The following CLSTN3 variants were observed in gnomAD, a reference collection of about 807,000 sequenced individuals.
The protein encoded by CLSTN3 is calsyntenin-3.
In CLSTN3, 36 loss-of-function variants were observed where a neutral mutation model predicts 95.9. The observed-to-expected ratio is 0.38, with a 90% confidence interval of 0.29 to 0.50. The LOEUF (loss-of-function observed/expected upper bound fraction) is 0.50. CLSTN3 is among the 20% of genes least tolerant of loss of function. The pLI, the probability that CLSTN3 is intolerant of heterozygous loss-of-function variation, is 0.95. For missense variants in CLSTN3, 1,084 were observed against 1,268.8 expected, an observed-to-expected ratio of 0.85 and a Z score of 2.21; for synonymous variants, 481 against 504.0, an observed-to-expected ratio of 0.95 and a Z score of 0.61.
rs772825293 is a variant in CLSTN3, at chr12:7,136,994, G to A, written c.1094G>A (p.Gly365Glu). 6.2e-7 allele frequency: 1 copy of A among 1,614,194 alleles called. No homozygotes were observed. The highest frequency in any genetic ancestry group is 1.1e-5 in the South Asian group (1 of 91,084). ...GGTGGCCCCAGTGGGCTGGGCTCTG[G>A]GCCCCAGGACAGCCTCAGTGACCAC... ...PLGGPSGLGS[G>E]PQDSLSDHFT... is the part of the protein sequence containing the mutation. The change falls in exon 7 of 18, where the codon GGG becomes GAG. Residue 365 changes from glycine (G) to glutamate (E), a missense_variant. Transcript: ENST00000266546.
At chr12:7,154,147 C>A (rs12319751) in intron 16 of CLSTN3, among the ~76,000 whole-genome samples, 1 of 152,250 alleles carries the variant, frequency 6.6e-6, no homozygotes, top group African/African-American at 2.4e-5. Flanking sequence ...AGGCCATTCA[C>A]GGCATAAAAC....
At position 7,136,984 on chromosome 12, in the gene CLSTN3, C is replaced by T; in HGVS notation, c.1084C>T (p.Leu362=). 6.2e-7 allele frequency: 1 copy of T among 1,614,198 alleles called. No individual in the cohort carries two copies. The highest frequency in any genetic ancestry group is 8.5e-7 in the Non-Finnish European group (1 of 1,180,024). Reference sequence around the variant, plus strand: ...GGTGCCCCTGGGTGGCCCCAGTGGGCTGGGCTCTGGGCCCCAGGACAGCCT... The same window carrying T: ...GGTGCCCCTGGGTGGCCCCAGTGGGTTGGGCTCTGGGCCCCAGGACAGCCT... ...VQVPLGGPSG[L]GSGPQDSLSD... is the part of the protein sequence containing the mutation. Residue 362 remains leucine, a synonymous_variant, in exon 7 of 18, where the codon CTG becomes TTG. Coordinates refer to ENST00000266546, the MANE Select transcript of CLSTN3 (RefSeq NM_014718.4).
intron 1 of CLSTN3, chr12:7,131,782 G>A (rs1247515095): frequency 4.4e-6 from 2 of 456,460 alleles, no homozygotes; most frequent in South Asian, 1.5e-5. Context: ...ACCGCCTCCT[G>A]TGCACCATCT....
chr12:7,129,150 T>G (rs548803678), upstream of CLSTN3: 1 of 302,362 alleles, frequency 3.3e-6, no homozygotes, highest in Non-Finnish European at 6.6e-6. This position sits in a 1 kb window ranked among gnomAD's most constrained non-coding sequence, Gnocchi z 5.5. Flanking sequence ...CAAAGGTCAG[T>G]GTTGGCCTCC....
intron 1 of CLSTN3, among the ~76,000 whole-genome samples, chr12:7,132,038 G>C (rs985430606): frequency 6.6e-6 from 1 of 152,036 alleles, no homozygotes; most frequent in African/African-American, 2.4e-5. Context: ...AGGCTGGGGT[G>C]GGGGGTGATG....
chr12:7,157,464 G>T lies in CLSTN3; in HGVS notation c.2528-25G>T. The T allele has an allele frequency of 6.5e-7, 1 of 1,536,882 alleles. No individual in the cohort carries two copies. The highest frequency in any genetic ancestry group is 1.4e-5 in the African/African-American group (1 of 72,630). On this transcript the variant is annotated intron_variant, in intron 16 of 17. Transcript: ENST00000266546. The surrounding 1 kb of genome is among the most constrained non-coding windows in gnomAD (Gnocchi z 5.9). ...CCCCAGGTGTGCCTAGTCACGCTCTGCTCACCCCCGCGCTCTCTCTGCAGT... is the reference window on the plus strand; with the variant it reads ...CCCCAGGTGTGCCTAGTCACGCTCTTCTCACCCCCGCGCTCTCTCTGCAGT...
At position 7,138,042 on chromosome 12, in the gene CLSTN3, T is replaced by C. The variant is rs1254865567; in HGVS notation, c.1298T>C (p.Val433Ala). The change falls in exon 8 of 18, where the codon GTC becomes GCC. Residue 433 changes from valine (V) to alanine (A), a missense_variant. Val to Ala is a moderately conservative substitution (Grantham distance 64). Transcript: ENST00000266546. Reference sequence around the variant, plus strand: ...CCCCTGCTTGAGAGTGCCCGCCCAGTCAAGTTCCTCTGGAAGCTGGAGCAG... The same window carrying C: ...CCCCTGCTTGAGAGTGCCCGCCCAGCCAAGTTCCTCTGGAAGCTGGAGCAG... ...YWPLLESARPVKFLWKLEQVC... is the reference protein window; with the variant it reads ...YWPLLESARPAKFLWKLEQVC... The C allele has an allele frequency of 1.2e-6, 2 of 1,613,702 alleles. No individual in the cohort carries two copies. Among genetic ancestry groups the C allele is most frequent in the Non-Finnish European group, 1.7e-6 (2 of 1,179,850 alleles).
intron 12 of CLSTN3, among the ~76,000 whole-genome samples, chr12:7,145,426 C>A (rs868773521): frequency 5.3e-5 from 8 of 152,046 alleles, no homozygotes; most frequent in Non-Finnish European, 7.4e-5. Flanking sequence ...CAATACCTCC[C>A]TTTCCCTGAT....
rs1939720153 is a variant in CLSTN3, at chr12:7,151,290, G to A, written c.2527+227G>A. ...ATGAGCCTTGTGTCATTGTAGGGAT[G>A]CTTATGCCTGCAGTCATAAAGTCAG... is the stretch of plus-strand genomic sequence containing the variant. On this transcript the variant is annotated intron_variant, in intron 16 of 17. Transcript: ENST00000266546. 5 of 474,568 alleles carry A rather than the reference G, an allele frequency of 1.1e-5. No homozygotes were observed. In the South Asian group the frequency reaches 2.2e-4, roughly 21 times the overall value. The allele number at this position is 474,568 out of a possible 1,614,324, so 29.4% of individuals were successfully genotyped here. A position where few individuals can be genotyped will look rare whatever the true frequency, so the allele number is the denominator to read the frequency against.
rs1369231793 is a variant in CLSTN3, at chr12:7,153,699, C to G, written c.2527+2636C>G. Among the ~76,000 whole-genome samples, 5 of 152,282 alleles carry G rather than the reference C, an allele frequency of 3.3e-5. No individual in the cohort carries two copies. In the East Asian group the frequency reaches 9.7e-4, roughly 29 times the overall value. On this transcript the variant is annotated intron_variant, in intron 16 of 17. Coordinates refer to ENST00000266546, the MANE Select transcript of CLSTN3 (RefSeq NM_014718.4). ...TTCTTTCATTGGGGATCATTCCACT[C>G]AATCTTTTCTGGTTGGATACTAGGT...
At position 7,157,965 on chromosome 12, in the gene CLSTN3, G is replaced by A. The variant is rs1169121341; in HGVS notation, c.2755G>A (p.Val919Met). ...GTCCTACCAGAATCGGCAGTCCTGT[G>A]TGACGGGGGCTGTTGGGGGCCAGCA... ...MESYQNRQSC[V>M]TGAVGGQQED... is the part of the protein sequence containing the mutation. Residue 919 changes from valine to methionine, a missense_variant, in exon 18 of 18, where the codon GTG becomes ATG. By Grantham distance (21) the Val-to-Met change is conservative. Coordinates refer to ENST00000266546, the MANE Select transcript of CLSTN3 (RefSeq NM_014718.4). The surrounding 1 kb of genome is among the most constrained non-coding windows in gnomAD (Gnocchi z 5.9). 2 of 1,551,322 alleles carry A rather than the reference G, an allele frequency of 1.3e-6. No individual in the cohort carries two copies. Among genetic ancestry groups the A allele is most frequent in the East Asian group, 4.9e-5 (2 of 40,920 alleles).
Position 7,149,171 on chromosome 12 carries a change from A to C in CLSTN3, c.2047A>C (p.Lys683Gln), listed in dbSNP as rs779121978. ...CTCCATTTCTCACCAGGTGGAGGCC[A>C]AAAAGGATGAGAGTTGGCAGGGCAC... ...TCSISHQVEA[K>Q]KDESWQGTVT... Residue 683 changes from lysine (K) to glutamine (Q), a missense_variant, in exon 13 of 18, where the codon AAA (lysine) becomes CAA (glutamine). Coordinates refer to ENST00000266546, the MANE Select transcript of CLSTN3 (RefSeq NM_014718.4). This position sits in a 1 kb window ranked among gnomAD's most constrained non-coding sequence, Gnocchi z 4.5. 3 of 1,613,974 alleles carry C rather than the reference A, an allele frequency of 1.9e-6. No homozygotes were observed. The highest frequency in any genetic ancestry group is 3.3e-5 in the Admixed American group (2 of 60,018).
In CLSTN3 at chr12:7,150,781, AC is replaced by A. The variant is rs1167844262; in HGVS notation, c.2391+93del. On this transcript the variant is annotated intron_variant, in intron 15 of 17. Coordinates refer to ENST00000266546, the MANE Select transcript of CLSTN3 (RefSeq NM_014718.4). The surrounding 1 kb of genome is among the most constrained non-coding windows in gnomAD (Gnocchi z 4.0). ...TCAAAATGTTAGTTGGTGGGCATGGACATGGCAGCGTGGAGGGCTGCTGGAC... is the reference window on the plus strand; with the variant it reads ...TCAAAATGTTAGTTGGTGGGCATGGAATGGCAGCGTGGAGGGCTGCTGGAC... 8.9e-6 allele frequency: 14 copies of A among 1,570,970 alleles called. No homozygotes were observed. Among genetic ancestry groups the A allele is most frequent in the Non-Finnish European group, 1.1e-5 (13 of 1,151,046 alleles).
At chr12:7,146,956 G>A (rs914735994) in intron 12 of CLSTN3, among the ~76,000 whole-genome samples, 4 of 152,134 alleles carry the variant, frequency 2.6e-5, no homozygotes, top group Admixed American at 6.5e-5. Context: ...AGCACATCCC[G>A]GGCATTGGCA....
intron 1 of CLSTN3, 66 bp downstream of exon 1, chr12:7,130,778 G>T: frequency 7.0e-7 from 1 of 1,420,034 alleles, no homozygotes; most frequent in South Asian, 1.2e-5. Context: ...GGGTGGGGGT[G>T]GGAAGGAGGT....
chr12:7,138,130 C>T, intron 8 of CLSTN3, 63 bp downstream of exon 8: 3 of 1,269,450 alleles, frequency 2.4e-6, no homozygotes, highest in Non-Finnish European at 2.3e-6. Context: ...AGGAAAGGAC[C>T]TTCTCTGGGC....
In CLSTN3 at chr12:7,135,973, C is replaced by T. The variant is rs760816511; in HGVS notation, c.742+20C>T. On this transcript the variant is annotated intron_variant, in intron 5 of 17. Coordinates refer to ENST00000266546, the MANE Select transcript of CLSTN3 (RefSeq NM_014718.4). The stretch of plus-strand genomic sequence containing the variant: ...GGCAAGGTGAGAGCTCAGCGCTGTG[C>T]CCCATCTTGTGAATCATCTTTTTTC... 6.3e-7 allele frequency: 1 copy of T among 1,577,206 alleles called. No homozygotes were observed. The highest frequency in any genetic ancestry group is 8.6e-7 in the Non-Finnish European group (1 of 1,163,824).
chr12:7,133,050 G>A lies in CLSTN3; in HGVS notation c.91G>A (p.Ala31Thr), dbSNP rs765172955. The A allele has an allele frequency of 2.5e-6, 4 of 1,613,886 alleles. No individual in the cohort carries two copies. The South Asian group carries it at 3.3e-5, about 13-fold the overall frequency. Residue 31 changes from alanine (A) to threonine (T), a missense_variant, in exon 2 of 18, where the codon GCA becomes ACA. Coordinates refer to ENST00000266546, the MANE Select transcript of CLSTN3 (RefSeq NM_014718.4). This position sits in a 1 kb window ranked among gnomAD's most constrained non-coding sequence, Gnocchi z 4.7. ...KANKHKPWIE[A>T]EYQGIVMEND... ...CAACAAGCACAAGCCATGGATTGAG[G>A]CAGAGTACCAGGGCATCGTCATGGA... is the stretch of plus-strand genomic sequence containing the variant.
Position 7,149,752 on chromosome 12 carries a change from G to A in CLSTN3, c.2245+59G>A. The A allele has an allele frequency of 1.3e-6, 2 of 1,510,670 alleles. No individual in the cohort carries two copies. Among genetic ancestry groups the A allele is most frequent in the East Asian group, 2.3e-5 (1 of 43,696 alleles). The allele number at this position is 1,510,670 out of a possible 1,614,324, so 93.6% of individuals were successfully genotyped here. A position where few individuals can be genotyped will look rare whatever the true frequency, so the allele number is the denominator to read the frequency against. Reference sequence around the variant, plus strand: ...TGTGTGCCCCTCCCAAAAAGTAAGGGCCTAGGAAGCCCAGAGGGTCCTCCT... The same window carrying A: ...TGTGTGCCCCTCCCAAAAAGTAAGGACCTAGGAAGCCCAGAGGGTCCTCCT... On this transcript the variant is annotated intron_variant, in intron 14 of 17. Transcript: ENST00000266546. The surrounding 1 kb of genome is among the most constrained non-coding windows in gnomAD (Gnocchi z 4.5).
Sources: gnomAD v4.1 joint callset for allele counts (sites outside exome capture counted in the v4.1 genomes callset) on GRCh38, gnomAD v4.1.1 for gene constraint, Gnocchi (gnomAD v3.1) non-coding constraint, MANE v1.5 for transcripts, NCBI Gene and HGNC (gene_info 2026-07-23, HGNC 2026-07-21) for gene names.